Variants in GRIK4 observed in about 807,000 individuals in gnomAD.
GRIK4 encodes the protein glutamate receptor ionotropic, kainate 4.
A neutral mutation model predicts 104.9 loss-of-function variants in GRIK4; 40 were observed. That is an observed-to-expected ratio of 0.38 (90% confidence interval 0.30 to 0.50). GRIK4 has a LOEUF of 0.50. Ranked by LOEUF, GRIK4 falls within the 20% of genes least tolerant of loss-of-function variation. GRIK4 has a pLI of 0.93. For synonymous variants in GRIK4, 485 were observed against 524.9 expected, an observed-to-expected ratio of 0.92 and a Z score of 1.04; for missense variants, 1,047 against 1,308.1, an observed-to-expected ratio of 0.80 and a Z score of 3.08.
intron 3 of GRIK4, among the ~76,000 whole-genome samples, chr11:120,698,035 G>A (rs1246073661): frequency 1.3e-5 from 2 of 152,264 alleles, no homozygotes; most frequent in South Asian, 2.1e-4. Context: ...TCAAGGCAGG[G>A]GGGCAGTGTG....
intron 1 of GRIK4, among the ~76,000 whole-genome samples, chr11:120,512,640 A>G (rs1167011297): frequency 2.7e-5 from 3 of 111,252 alleles, no homozygotes; most frequent in South Asian, 3.4e-4. Context: ...GTGATGGGGG[A>G]GGGGGCTGGG....
At chr11:120,805,789 C>T (rs796327987) in intron 4 of GRIK4, among the ~76,000 whole-genome samples, 27 of 152,278 alleles carry the variant, frequency 1.8e-4, no homozygotes, top group African/African-American at 6.5e-4. Flanking sequence ...GCGCCTACCA[C>T]CTGTTGGCTA....
intron 12 of GRIK4, among the ~76,000 whole-genome samples, chr11:120,899,725 T>C (rs1263852901): frequency 2.0e-5 from 3 of 152,212 alleles, no homozygotes; most frequent in Non-Finnish European, 4.4e-5. Context: ...TATTAAGCAG[T>C]AATTAGTTTG....
At chr11:120,580,356 A>T (rs1413071272) in intron 1 of GRIK4, among the ~76,000 whole-genome samples, 1 of 151,084 alleles carries the variant, frequency 6.6e-6, no homozygotes, top group Non-Finnish European at 1.5e-5. Context: ...GCTCACTGCA[A>T]TCTCCACCTC....
At chr11:120,514,764 T>C (rs11217900) in intron 1 of GRIK4, among the ~76,000 whole-genome samples, 48,476 of 151,974 alleles carry the variant, frequency 0.32, 11,981 homozygotes, top group African/African-American at 0.68. Flanking sequence ...GCAGCCGGGG[T>C]GCCTGGGGCA....
At chr11:120,554,779 G>T (rs1281540107) in intron 1 of GRIK4, among the ~76,000 whole-genome samples, 1 of 152,068 alleles carries the variant, frequency 6.6e-6, no homozygotes, top group African/African-American at 2.4e-5. Flanking sequence ...GGCTGGTCTC[G>T]AACTCCTGGT....
At chr11:120,879,048 C>G (rs1261034416) in intron 11 of GRIK4, among the ~76,000 whole-genome samples, 1 of 152,210 alleles carries the variant, frequency 6.6e-6, no homozygotes, top group African/African-American at 2.4e-5. Context: ...CCCTTCAAGG[C>G]AGATAAATTC....
chr11:120,961,220 C>T, intron 17 of GRIK4, 146 bp downstream of exon 17: 1 of 728,902 alleles, frequency 1.4e-6, no homozygotes, highest in Non-Finnish European at 2.2e-6. Context: ...GCTCATTTAT[C>T]TGCTGCTCCA....
intron 8 of GRIK4, among the ~76,000 whole-genome samples, chr11:120,837,064 T>A (rs1953592554): frequency 6.6e-6 from 1 of 152,190 alleles, no homozygotes; most frequent in Non-Finnish European, 1.5e-5. Context: ...TCCATTCAAA[T>A]GCCGCTAGCT....
chr11:120,838,256 G>T (rs146332322), intron 8 of GRIK4, among the ~76,000 whole-genome samples: 137 of 152,288 alleles, frequency 9.0e-4, no homozygotes, highest in African/African-American at 3.1e-3. Context: ...TGGTTGAGTC[G>T]CAGTGACTCT....
chr11:120,884,794 G>GC (rs1955071427), intron 11 of GRIK4, among the ~76,000 whole-genome samples: 1 of 152,252 alleles, frequency 6.6e-6, no homozygotes, highest in African/African-American at 2.4e-5. Flanking sequence ...GCGCTGCAAG[G>GC]CCCGGGCACA....
chr11:120,698,756 C>T (rs1032431964), intron 3 of GRIK4, among the ~76,000 whole-genome samples: 3 of 152,204 alleles, frequency 2.0e-5, no homozygotes, highest in African/African-American at 7.2e-5. Flanking sequence ...TCTTTGCACT[C>T]CCAAGTCTCT....
At chr11:120,564,330 T>G (rs1226464165) in intron 1 of GRIK4, 3 of 152,126 alleles carry the variant, frequency 2.0e-5, no homozygotes, top group Non-Finnish European at 1.5e-5. Context: ...ATTTGTAAAC[T>G]TATTAGTGTG....
At chr11:120,707,093 A>C (rs1345552023) in intron 3 of GRIK4, among the ~76,000 whole-genome samples, 2 of 152,184 alleles carry the variant, frequency 1.3e-5, no homozygotes, top group Non-Finnish European at 2.9e-5. Flanking sequence ...GGCTTGAATG[A>C]GCTGCCAGGA....
At chr11:120,557,532 C>T (rs994476015) in intron 1 of GRIK4, among the ~76,000 whole-genome samples, 1 of 152,178 alleles carries the variant, frequency 6.6e-6, no homozygotes, top group Non-Finnish European at 1.5e-5. Context: ...CTAGCGCTTC[C>T]CTAAATCAAG....
At chr11:120,795,025 G>A (rs147220795) in intron 3 of GRIK4, among the ~76,000 whole-genome samples, 262 of 152,212 alleles carry the variant, frequency 1.7e-3, no homozygotes, top group Middle Eastern at 0.017. Context: ...GCCAGGGTCA[G>A]CTGGGGAGCA....
intron 3 of GRIK4, among the ~76,000 whole-genome samples, chr11:120,745,949 G>C (rs1190793951): frequency 6.6e-6 from 1 of 152,144 alleles, no homozygotes; most frequent in African/African-American, 2.4e-5. Flanking sequence ...GGCACCTGGG[G>C]CTTGCTGTCC....
At chr11:120,834,948 G>A (rs549272844) in intron 7 of GRIK4, among the ~76,000 whole-genome samples, 1 of 152,356 alleles carries the variant, frequency 6.6e-6, no homozygotes, top group South Asian at 2.1e-4. Context: ...CGTCTAGGCA[G>A]GGGTGAGATG....
At chr11:120,807,237 A>G (rs1273260689) in intron 4 of GRIK4, among the ~76,000 whole-genome samples, 2 of 152,118 alleles carry the variant, frequency 1.3e-5, no homozygotes, top group Non-Finnish European at 2.9e-5. Flanking sequence ...CTCTGTTCCT[A>G]TAGATCAGCG....
Sources: gnomAD v4.1 joint callset for allele counts (sites outside exome capture counted in the v4.1 genomes callset) on GRCh38, gnomAD v4.1.1 for gene constraint, MANE v1.5 for transcripts, NCBI Gene and HGNC (gene_info 2026-07-23, HGNC 2026-07-21) for gene names.